The following NAV2 variants were observed in gnomAD, a reference collection of about 807,000 sequenced individuals.
NAV2 encodes helicase, APC down-regulated 1.
NAV2 carries 54 observed loss-of-function variants against 223.2 expected under a neutral mutation model. The observed-to-expected ratio is 0.24, with a 90% CI of 0.19 to 0.30. The LOEUF is 0.30. Among genes scored for constraint, NAV2 ranks in the 10% least tolerant of loss-of-function variants. NAV2 has a pLI of 1.00. For missense variants in NAV2, 2,806 were observed against 3,147.5 expected (o/e 0.89, Z 2.60); for synonymous variants, 1,279 against 1,239.3 (o/e 1.03, Z -0.67).
intron 29 of NAV2, among the ~76,000 whole-genome samples, chr11:20,094,165 C>T (rs2061062386): frequency 6.7e-6 from 1 of 149,008 alleles, no homozygotes; most frequent in Non-Finnish European, 1.5e-5. Context: ...GTTTTCAAAA[C>T]ATAGCTAGTA....
chr11:20,099,366 C>T (rs2061482354), intron 31 of NAV2, among the ~76,000 whole-genome samples: 1 of 152,208 alleles, frequency 6.6e-6, no homozygotes, highest in Non-Finnish European at 1.5e-5. Flanking sequence ...ATGCGTTGTT[C>T]ACTTGCTGGT....
At chr11:19,891,034 A>G (rs1435731830) in intron 5 of NAV2, among the ~76,000 whole-genome samples, 2 of 152,146 alleles carry the variant, frequency 1.3e-5, no homozygotes, top group Non-Finnish European at 2.9e-5. Context: ...CTTTTTAACT[A>G]TATAATTTTT....
intron 1 of NAV2, among the ~76,000 whole-genome samples, chr11:19,805,983 G>A (rs911864331): frequency 1.3e-5 from 2 of 152,150 alleles, no homozygotes; most frequent in African/African-American, 4.8e-5. Context: ...TTCTGAACCT[G>A]GAATTTCACT....
At chr11:20,062,239 C>A in intron 19 of NAV2, 68 bp from the exon 20 acceptor site, 1 of 1,162,302 alleles carries the variant, frequency 8.6e-7, no homozygotes, top group Non-Finnish European at 1.3e-6. Flanking sequence ...TGATGTTCTC[C>A]TCCCCTGTCC....
intron 1 of NAV2, among the ~76,000 whole-genome samples, chr11:19,471,469 A>G (rs2041963526): frequency 6.6e-6 from 1 of 152,172 alleles, no homozygotes; most frequent in African/African-American, 2.4e-5. Flanking sequence ...TGTGTACTTC[A>G]GGACTACCTG....
chr11:19,696,637 G>A (rs999219866), intron 1 of NAV2, among the ~76,000 whole-genome samples: 5 of 152,182 alleles, frequency 3.3e-5, no homozygotes, highest in Non-Finnish European at 7.4e-5. Flanking sequence ...GATGATAGTG[G>A]CTGGCTGTCT....
At chr11:19,635,743 A>G (rs1384789679) in intron 1 of NAV2, among the ~76,000 whole-genome samples, 2 of 152,204 alleles carry the variant, frequency 1.3e-5, no homozygotes, top group African/African-American at 2.4e-5. Context: ...GCATTAATTT[A>G]TTCATGAGGA....
intron 1 of NAV2, among the ~76,000 whole-genome samples, chr11:19,472,442 A>G (rs539092760): frequency 6.0e-4 from 92 of 152,280 alleles, no homozygotes; most frequent in African/African-American, 2.1e-3. Flanking sequence ...AACGATACCA[A>G]TAATAGATGT....
intron 1 of NAV2, among the ~76,000 whole-genome samples, chr11:19,373,912 A>T (rs1848554049): frequency 6.6e-6 from 1 of 152,104 alleles, no homozygotes; most frequent in African/African-American, 2.4e-5. Context: ...AATACACCCC[A>T]TATCACCTGC....
At chr11:20,114,895 A>G in intron 37 of NAV2, 100 bp downstream of exon 37, 1 of 1,225,098 alleles carries the variant, frequency 8.2e-7, no homozygotes, top group Admixed American at 2.2e-5. Flanking sequence ...GACTAAATCC[A>G]GCCTTGCTTT....
At chr11:20,044,830 T>C in intron 13 of NAV2, 138 bp from the exon 14 acceptor site, 1 of 664,292 alleles carries the variant, frequency 1.5e-6, no homozygotes, top group Non-Finnish European at 2.5e-6. Flanking sequence ...GACTATATTA[T>C]TTTTATAAAA....
At chr11:19,712,273 T>G (rs936107031), upstream of NAV2, 3 of 152,274 alleles carry the variant, frequency 2.0e-5, no homozygotes, top group African/African-American at 7.2e-5. Context: ...CGTATTGTAT[T>G]TGCCTATAAA....
intron 3 of NAV2, among the ~76,000 whole-genome samples, chr11:19,864,460 C>A (rs73437608): frequency 6.6e-6 from 1 of 152,196 alleles, no homozygotes; most frequent in Non-Finnish European, 1.5e-5. Context: ...GCATATTTTA[C>A]GTTATCAGGA....
intron 1 of NAV2, chr11:19,510,833 T>C (rs2043256716): frequency 6.6e-6 from 1 of 152,158 alleles, no homozygotes; most frequent in Admixed American, 6.5e-5. Context: ...GGCAGCTGTG[T>C]AGTAGGCACA....
At chr11:19,985,396 A>G (rs1170325370) in intron 11 of NAV2, among the ~76,000 whole-genome samples, 1 of 152,162 alleles carries the variant, frequency 6.6e-6, no homozygotes, top group East Asian at 1.9e-4. Context: ...TCCTCCTTAG[A>G]GTCCCCCCAG....
intron 36 of NAV2, among the ~76,000 whole-genome samples, chr11:20,113,051 A>G (rs2062772185): frequency 6.6e-6 from 1 of 152,186 alleles, no homozygotes; most frequent in East Asian, 1.9e-4. Context: ...GGCCCCCTGC[A>G]GAGTCCTCTC....
intron 1 of NAV2, among the ~76,000 whole-genome samples, chr11:19,361,374 T>C (rs1297790797): frequency 2.0e-5 from 3 of 152,030 alleles, no homozygotes; most frequent in African/African-American, 7.2e-5. Flanking sequence ...ACCTCTCGAG[T>C]GACAGGCATG....
chr11:19,732,108 C>G (rs183472253), intron 1 of NAV2, among the ~76,000 whole-genome samples: 13 of 152,168 alleles, frequency 8.5e-5, no homozygotes, highest in Non-Finnish European at 1.3e-4. Context: ...CAAAAATTAA[C>G]CAGGCATGGT....
At chr11:19,478,149 T>C (rs533482754) in intron 1 of NAV2, among the ~76,000 whole-genome samples, 15 of 152,260 alleles carry the variant, frequency 9.9e-5, no homozygotes, top group Non-Finnish European at 1.6e-4. Flanking sequence ...TTAGAGAAAG[T>C]GGGCAGGTGC....
Sources: allele counts gnomAD v4.1 joint callset (sites outside exome capture counted in the v4.1 genomes callset), GRCh38; gene constraint gnomAD v4.1.1; transcripts MANE v1.5; gene names NCBI Gene and HGNC (gene_info 2026-07-23, HGNC 2026-07-21).